The following CFTR variants were observed in gnomAD, a reference collection of about 807,000 sequenced individuals.
CFTR encodes the protein cystic fibrosis transmembrane conductance regulator.
CFTR carries 181 observed loss-of-function variants against 171.6 expected under a neutral mutation model. That is an observed-to-expected ratio of 1.05 (90% CI 0.93 to 1.19). The LOEUF (loss-of-function observed/expected upper bound fraction) is 1.19. Among genes scored for constraint, CFTR ranks in the 50% most tolerant of loss-of-function variants. The probability of loss-of-function intolerance (pLI) is 0.00; values close to 1 mark genes in which losing one functional copy is unlikely to be tolerated. For missense variants in CFTR, 1,968 were observed against 1,734.7 expected (o/e 1.13, Z -2.39); for synonymous variants, 583 against 608.0 (o/e 0.96, Z 0.60).
At chr7:117,611,158 G>T (rs1306768894) in intron 19 of CFTR, among the ~76,000 whole-genome samples, 1 of 152,064 alleles carries the variant, frequency 6.6e-6, no homozygotes. Context: ...TAGTGTGGGT[G>T]CATTTTCAGG....
intron 21 of CFTR, among the ~76,000 whole-genome samples, chr7:117,620,063 T>C (rs1792551126): frequency 7.9e-6 from 1 of 126,326 alleles, no homozygotes; most frequent in African/African-American, 4.1e-5. Flanking sequence ...AGGGGAGGAG[T>C]CATTTCTTCA....
chr7:117,611,071 T>C (rs1371701991), intron 19 of CFTR, among the ~76,000 whole-genome samples: 1 of 152,194 alleles, frequency 6.6e-6, no homozygotes, highest in Non-Finnish European at 1.5e-5. Flanking sequence ...CCTTTCTTCA[T>C]GTGTTGGAGC....
At chr7:117,484,986 C>T (rs772148506) in intron 1 of CFTR, among the ~76,000 whole-genome samples, 17 of 151,978 alleles carry the variant, frequency 1.1e-4, no homozygotes, top group Non-Finnish European at 2.2e-4. Context: ...TCAAAATATC[C>T]CTCAGAGCTA....
chr7:117,585,023 A>G (rs2116010186), intron 11 of CFTR, among the ~76,000 whole-genome samples: 1 of 151,928 alleles, frequency 6.6e-6, no homozygotes, highest in East Asian at 1.9e-4. Context: ...GTCAGCAGGG[A>G]CATTTTCTAA....
At chr7:117,530,230 G>T (rs1798836738) in intron 3 of CFTR, among the ~76,000 whole-genome samples, 1 of 152,094 alleles carries the variant, frequency 6.6e-6, no homozygotes, top group Non-Finnish European at 1.5e-5. Context: ...CTTCCCCAAA[G>T]TCCATTCCTA....
In CFTR at chr7:117,610,748, T is replaced by TA. The variant is rs576934094; in HGVS notation, c.3139+87dup. The stretch of plus-strand genomic sequence containing the variant: ...TGAGATTCTTTATTGTTAATCTACT[T>TA]AAAAAAAATTCTGCTTTTAAACTTT... On this transcript the variant is annotated intron_variant, in intron 19 of 26. Transcript: ENST00000003084. 86 of 1,503,642 alleles carry TA rather than the reference T, an allele frequency of 5.7e-5. 1 individual carries two copies. In the South Asian group the frequency reaches 6.5e-4, roughly 11 times the overall value. 93.1% of individuals were successfully genotyped at this position (1,503,642 alleles called of 1,614,324 possible).
rs764413025 is a variant in CFTR at position 117,592,565 on chromosome 7, G to T, written c.2398G>T (p.Ala800Ser). The change falls in exon 14 of 27, where the codon GCA (alanine) becomes TCA (serine). Residue 800 changes from alanine (A) to serine (S), a missense_variant. Coordinates refer to ENST00000003084, the MANE Select transcript of CFTR (RefSeq NM_000492.4). Reference protein sequence around the residue: ...STRKVSLAPQANLTELDIYSR... With the variant: ...STRKVSLAPQSNLTELDIYSR... The stretch of plus-strand genomic sequence containing the variant: ...ACGAAAAGTGTCACTGGCCCCTCAG[G>T]CAAACTTGACTGAACTGGATATATA... 6.6e-7 allele frequency: 1 copy of T among 1,522,030 alleles called. No individual in the cohort carries two copies. The highest frequency in any genetic ancestry group is 2.3e-5 in the East Asian group (1 of 44,130). 94.3% of individuals were successfully genotyped at this position (1,522,030 alleles called of 1,614,324 possible). A position where few individuals can be genotyped will look rare whatever the true frequency, so the allele number is the denominator to read the frequency against.
chr7:117,556,337 A>C (rs915580374), intron 10 of CFTR, among the ~76,000 whole-genome samples: 1 of 151,958 alleles, frequency 6.6e-6, no homozygotes, highest in African/African-American at 2.4e-5. Context: ...TGTTGGGATT[A>C]CAGGCATGAG....
At chr7:117,617,793 C>T (rs757824394) in intron 21 of CFTR, among the ~76,000 whole-genome samples, 6 of 152,048 alleles carry the variant, frequency 3.9e-5, no homozygotes, top group Non-Finnish European at 8.8e-5. Flanking sequence ...CAGCTACTAC[C>T]CCATTTCTTT....
chr7:117,606,862 G>C, intron 18 of CFTR, 109 bp downstream of exon 18: 1 of 757,150 alleles, frequency 1.3e-6, no homozygotes, highest in Non-Finnish European at 2.4e-6. Context: ...TTGAAGTCCT[G>C]TCTATTGCAT....
chr7:117,661,949 T>C (rs948355667), intron 24 of CFTR, among the ~76,000 whole-genome samples: 1 of 141,552 alleles, frequency 7.1e-6, no homozygotes, highest in Non-Finnish European at 1.5e-5. Flanking sequence ...GCTGCAGTCT[T>C]AAGCCAGACC....
chr7:117,580,839 T>C (rs1481273900), intron 11 of CFTR, among the ~76,000 whole-genome samples: 1 of 152,162 alleles, frequency 6.6e-6, no homozygotes, highest in Non-Finnish European at 1.5e-5. Context: ...AAAATATTTA[T>C]GTATCTAGGT....
chr7:117,503,863 G>GTT (rs1798370718), intron 1 of CFTR, among the ~76,000 whole-genome samples: 1 of 152,104 alleles, frequency 6.6e-6, no homozygotes, highest in Admixed American at 6.6e-5. Flanking sequence ...CTTATTCAGA[G>GTT]TTTTTTTATA....
At chr7:117,666,582 T>C (rs1793379776) in intron 26 of CFTR, among the ~76,000 whole-genome samples, 1 of 152,290 alleles carries the variant, frequency 6.6e-6, no homozygotes, top group Non-Finnish European at 1.5e-5. Flanking sequence ...CAACTCTTTA[T>C]GGTGCTGTAG....
At chr7:117,504,182 A>G in intron 1 of CFTR, 71 bp from the exon 2 acceptor site, 1 of 870,678 alleles carries the variant, frequency 1.1e-6, no homozygotes, top group Non-Finnish European at 2.0e-6. Flanking sequence ...GAAAAGTTGA[A>G]TAGTATCAGA....
chr7:117,536,757 C>G, intron 7 of CFTR, 84 bp downstream of exon 7: 1 of 1,132,126 alleles, frequency 8.8e-7, no homozygotes, highest in Non-Finnish European at 1.3e-6. Context: ...AGACTTCCAC[C>G]TCATATTTGA....
intron 21 of CFTR, among the ~76,000 whole-genome samples, chr7:117,617,378 G>A (rs957757170): frequency 6.6e-5 from 10 of 150,676 alleles, no homozygotes; most frequent in African/African-American, 1.2e-4. Context: ...AACATTTAAC[G>A]TTAAGTTGCA....
intron 1 of CFTR, among the ~76,000 whole-genome samples, chr7:117,495,962 T>C (rs1055118501): frequency 2.6e-5 from 4 of 152,182 alleles, no homozygotes; most frequent in Non-Finnish European, 5.9e-5. Flanking sequence ...CCTATCACCA[T>C]AACCAATTTT....
intron 1 of CFTR, among the ~76,000 whole-genome samples, chr7:117,497,078 T>G (rs938697495): frequency 1.3e-5 from 2 of 152,172 alleles, no homozygotes; most frequent in African/African-American, 4.8e-5. Context: ...CTTTAAAAAA[T>G]TAGTTGTAAT....
Sources: allele counts gnomAD v4.1 joint callset (sites outside exome capture counted in the v4.1 genomes callset), GRCh38; gene constraint gnomAD v4.1.1; transcripts MANE v1.5; gene names NCBI Gene and HGNC (gene_info 2026-07-23, HGNC 2026-07-21).